The following TBC1D14 variants were observed in gnomAD, a reference collection of about 807,000 sequenced individuals.
TBC1D14 encodes TBC1 domain family, member 14.
Under a neutral mutation model 79.0 loss-of-function variants are expected in TBC1D14, and 26 were observed. That is an observed-to-expected ratio of 0.33 (90% CI 0.24 to 0.46). The LOEUF is 0.46. Among genes scored for constraint, TBC1D14 ranks in the 20% least tolerant of loss-of-function variants. The pLI is 1.00. For synonymous variants in TBC1D14, 394 were observed against 349.9 expected, an observed-to-expected ratio of 1.13 and a Z score of -1.40; for missense variants, 769 against 887.6, an observed-to-expected ratio of 0.87 and a Z score of 1.70.
chr4:6,940,138 G>A (rs2108972144), intron 2 of TBC1D14, among the ~76,000 whole-genome samples: 1 of 152,312 alleles, frequency 6.6e-6, no homozygotes, highest in Admixed American at 6.5e-5. Flanking sequence ...GCCCCATGTA[G>A]CTATTTAAAT....
At position 6,932,361 on chromosome 4, in the gene TBC1D14, A is replaced by G. The variant is rs571572131; in HGVS notation, c.722+8250A>G. The stretch of plus-strand genomic sequence containing the variant: ...GCACGATCTTGGGCGACAGAGCAAG[A>G]CTCTGTCTGGAAATTAAAAAAAAAA... On this transcript the variant is annotated intron_variant, in intron 2 of 13. Transcript: ENST00000409757. Among the ~76,000 whole-genome samples, 5 of 129,420 alleles carry G rather than the reference A, an allele frequency of 3.9e-5. No homozygotes were observed. The South Asian group carries it at 1.5e-3, about 38-fold the overall frequency. The allele number at this position is 129,420 out of a possible 152,430, so 84.9% of individuals were successfully genotyped here.
At chr4:6,977,040 C>T (rs372496887) in intron 3 of TBC1D14, among the ~76,000 whole-genome samples, 10 of 107,620 alleles carry the variant, frequency 9.3e-5, no homozygotes, top group African/African-American at 3.5e-4. Flanking sequence ...CCCTCCTCTC[C>T]CTCTCCCTCC....
At chr4:6,937,073 G>A (rs1218447806) in intron 2 of TBC1D14, among the ~76,000 whole-genome samples, 1 of 152,046 alleles carries the variant, frequency 6.6e-6, no homozygotes. Flanking sequence ...ATGTGCCACT[G>A]CGCCCGGCTA....
At chr4:6,915,507 G>T (rs1723328073) in intron 1 of TBC1D14, among the ~76,000 whole-genome samples, 1 of 152,142 alleles carries the variant, frequency 6.6e-6, no homozygotes, top group African/African-American at 2.4e-5. Context: ...AGGGGCCTTG[G>T]AGTCACAGAC....
At chr4:6,941,954 G>A (rs1712951476) in intron 2 of TBC1D14, among the ~76,000 whole-genome samples, 1 of 152,180 alleles carries the variant, frequency 6.6e-6, no homozygotes, top group South Asian at 2.1e-4. Context: ...ATGAAATGCA[G>A]GAGAACTGGT....
chr4:6,940,425 C>T (rs1016184526), intron 2 of TBC1D14, among the ~76,000 whole-genome samples: 1 of 152,184 alleles, frequency 6.6e-6, no homozygotes, highest in Non-Finnish European at 1.5e-5. Flanking sequence ...ACAGAAAGAA[C>T]CGCCCTCAGG....
At chr4:6,953,322 C>T (rs1714253404) in intron 2 of TBC1D14, among the ~76,000 whole-genome samples, 2 of 137,264 alleles carry the variant, frequency 1.5e-5, no homozygotes, top group African/African-American at 5.2e-5. Context: ...CACGCCCAGC[C>T]ATAAGAATAG....
At chr4:7,030,198 A>G in intron 13 of TBC1D14, 129 bp from the exon 14 acceptor site, 1 of 782,182 alleles carries the variant, frequency 1.3e-6, no homozygotes, top group Non-Finnish European at 2.2e-6. Context: ...AAGACCCTGG[A>G]GGGTTGGAGG....
chr4:7,023,666 T>G (rs1722051159), intron 12 of TBC1D14, among the ~76,000 whole-genome samples: 1 of 152,206 alleles, frequency 6.6e-6, no homozygotes, highest in Admixed American at 6.5e-5. Context: ...GCGTGGGCGT[T>G]GGAGTCAGGT....
At chr4:6,938,422 C>T (rs1326336180) in intron 2 of TBC1D14, among the ~76,000 whole-genome samples, 11 of 152,152 alleles carry the variant, frequency 7.2e-5, no homozygotes, top group Non-Finnish European at 1.2e-4. Context: ...GAACAGGGAT[C>T]GTGGTCACAC....
rs572500508 is a variant in TBC1D14, at chr4:6,968,121, C to T, written c.843+697C>T. Among the ~76,000 whole-genome samples, 41 of 152,272 alleles carry T rather than the reference C, an allele frequency of 2.7e-4. No homozygotes were observed. In the South Asian group the frequency reaches 8.3e-3, roughly 31 times the overall value. On this transcript the variant is annotated intron_variant, in intron 3 of 13. Coordinates refer to ENST00000409757, the MANE Select transcript of TBC1D14 (RefSeq NM_020773.3). The stretch of plus-strand genomic sequence containing the variant: ...AGAGTCTGCTGTCTGCCCCAAGTGT[C>T]GCGACATTGCCCCCAGCACCCTCGC...
rs544014621 is a variant in TBC1D14 at position 6,949,761 on chromosome 4, G to GT, written c.723-17532dup. On this transcript the variant is annotated intron_variant, in intron 2 of 13. Coordinates refer to ENST00000409757, the MANE Select transcript of TBC1D14 (RefSeq NM_020773.3). ...CTCCACATTTCGTAGTTTTGTTTTT[G>GT]TTTTTTTTTTTAATGTAAAGGTCTT... Among the ~76,000 whole-genome samples, 1,003 of 136,572 alleles carry GT rather than the reference G, an allele frequency of 7.3e-3. 2 individuals are homozygous for GT. The highest frequency in any genetic ancestry group is 0.045 in the Middle Eastern group (12 of 264). The allele number at this position is 136,572 out of a possible 152,430, so 89.6% of individuals were successfully genotyped here. A position where few individuals can be genotyped will look rare whatever the true frequency, so the allele number is the denominator to read the frequency against.
At chr4:6,956,189 CTG>C (rs2109016910) in intron 2 of TBC1D14, among the ~76,000 whole-genome samples, 1 of 152,252 alleles carries the variant, frequency 6.6e-6, no homozygotes, top group East Asian at 1.9e-4. Context: ...ATTCCCCAAA[CTG>C]TGTAAGCTCC....
intron 3 of TBC1D14, among the ~76,000 whole-genome samples, chr4:6,968,526 C>T (rs1165851351): frequency 6.6e-6 from 1 of 152,224 alleles, no homozygotes; most frequent in Non-Finnish European, 1.5e-5. Flanking sequence ...ACTTGATGTG[C>T]AGGGTCACAT....
At chr4:6,967,233 A>G (rs1301218280) in intron 2 of TBC1D14, 71 bp from the exon 3 acceptor site, 1 of 1,564,636 alleles carries the variant, frequency 6.4e-7, no homozygotes, top group East Asian at 2.3e-5. Flanking sequence ...TTTTTATTAG[A>G]GTGGTTCTGC....
intron 7 of TBC1D14, 115 bp from the exon 8 acceptor site, chr4:7,004,729 A>G (rs531774616): frequency 2.3e-6 from 2 of 884,016 alleles, no homozygotes; most frequent in South Asian, 1.5e-5. Context: ...TTAAGTATGC[A>G]TTAAGCCTAT....
chr4:6,970,043 C>T (rs751081505), intron 3 of TBC1D14, among the ~76,000 whole-genome samples: 66 of 152,240 alleles, frequency 4.3e-4, no homozygotes, highest in Non-Finnish European at 8.7e-4. Context: ...CTGTCATAGG[C>T]ATGGGCTCAC....
At chr4:6,967,529 T>A (rs1003122157) in intron 3 of TBC1D14, 105 bp downstream of exon 3, 1 of 1,422,748 alleles carries the variant, frequency 7.0e-7, no homozygotes, top group Non-Finnish European at 9.5e-7. Context: ...GGAAATCGCT[T>A]TGTATTATCT....
chr4:6,984,378 C>CT (rs1379260026), intron 3 of TBC1D14, among the ~76,000 whole-genome samples: 8 of 152,150 alleles, frequency 5.3e-5, no homozygotes, highest in African/African-American at 1.9e-4. Context: ...TCATTGTGGT[C>CT]TCCTGTCACA....
Sources: gnomAD v4.1 joint callset for allele counts (sites outside exome capture counted in the v4.1 genomes callset) on GRCh38, gnomAD v4.1.1 for gene constraint, MANE v1.5 for transcripts, NCBI Gene and HGNC (gene_info 2026-07-23, HGNC 2026-07-21) for gene names.